The following SCN11A variants were observed in gnomAD, a reference collection of about 807,000 sequenced individuals.
SCN11A encodes the protein sodium voltage-gated channel alpha subunit 11.
A neutral mutation model predicts 162.2 loss-of-function variants in SCN11A; 122 were observed. The observed-to-expected ratio is 0.75, with a 90% CI of 0.65 to 0.87. The LOEUF (loss-of-function observed/expected upper bound fraction) is 0.87. Among genes scored for constraint, SCN11A ranks in the 40% least tolerant of loss-of-function variants. The pLI is 0.00. For missense variants in SCN11A, 2,015 were observed against 2,181.6 expected, an observed-to-expected ratio of 0.92 and a Z score of 1.52; for synonymous variants, 758 against 751.5, an observed-to-expected ratio of 1.01 and a Z score of -0.14.
chr3:38,873,687 C>T (rs2065164045), intron 23 of SCN11A, among the ~76,000 whole-genome samples: 1 of 152,152 alleles, frequency 6.6e-6, no homozygotes, highest in Non-Finnish European at 1.5e-5. Flanking sequence ...TACCTTAAAC[C>T]TTACCCAAGT....
chr3:38,950,069 A>AACC lies in SCN11A; in HGVS notation c.267+26_267+27insGGT. On this transcript the variant is annotated intron_variant, in intron 5 of 29. Transcript: ENST00000302328. ...GCATGGTTAGAACACCCCCACCCCC[A>AACC]CCCCCCCCCCCCGCCCAATGAAGTA... The AACC allele has an allele frequency of 1.5e-4, 10 of 65,030 alleles. 1 individual carries two copies. Among genetic ancestry groups the AACC allele is most frequent in the South Asian group, 7.4e-4 (3 of 4,032 alleles). 4.0% of individuals were successfully genotyped at this position (65,030 alleles called of 1,614,324 possible).
intron 2 of SCN11A, among the ~76,000 whole-genome samples, chr3:39,022,717 A>G (rs1273423865): frequency 6.6e-6 from 1 of 152,046 alleles, no homozygotes; most frequent in Non-Finnish European, 1.5e-5. Flanking sequence ...CCTTGTCCCT[A>G]CAAGAAAAAT....
intron 19 of SCN11A, among the ~76,000 whole-genome samples, chr3:38,890,748 T>G (rs998876908): frequency 6.6e-6 from 1 of 152,230 alleles, no homozygotes; most frequent in African/African-American, 2.4e-5. Flanking sequence ...AAGATAGCCT[T>G]GCTGAAACAA....
At chr3:38,937,971 G>C (rs1306258498) in intron 7 of SCN11A, among the ~76,000 whole-genome samples, 1 of 152,020 alleles carries the variant, frequency 6.6e-6, no homozygotes, top group African/African-American at 2.4e-5. Context: ...CAAATACTTG[G>C]AACCAACCCA....
intron 12 of SCN11A, 53 bp from the exon 13 acceptor site, chr3:38,909,247 T>G (rs952121482): frequency 2.3e-5 from 36 of 1,578,712 alleles, no homozygotes; most frequent in Non-Finnish European, 3.0e-5. Context: ...CACAGGAAAG[T>G]GACCATCACC....
intron 7 of SCN11A, among the ~76,000 whole-genome samples, chr3:38,938,251 G>A (rs1165743584): frequency 6.6e-6 from 1 of 151,606 alleles, no homozygotes; most frequent in Non-Finnish European, 1.5e-5. Context: ...GAGTGGGGAG[G>A]GATAGCTTTA....
At chr3:38,985,371 C>T (rs1001547374) in intron 2 of SCN11A, among the ~76,000 whole-genome samples, 1 of 150,576 alleles carries the variant, frequency 6.6e-6, no homozygotes, top group Admixed American at 6.6e-5. Context: ...ACCTCGTGAT[C>T]CACCCATCTC....
intron 2 of SCN11A, among the ~76,000 whole-genome samples, chr3:39,013,672 T>C (rs996944786): frequency 6.6e-6 from 1 of 152,230 alleles, no homozygotes; most frequent in Non-Finnish European, 1.5e-5. Context: ...ACCTTATGCT[T>C]CTACCTAACA....
intron 2 of SCN11A, among the ~76,000 whole-genome samples, chr3:39,012,452 CTCTT>C (rs139421967): frequency 0.063 from 9,343 of 148,326 alleles, 1,142 homozygotes; most frequent in African/African-American, 0.22. Flanking sequence ...CTCTCTTTCT[CTCTT>C]TCTTTCTTTC....
rs533890560 is a variant in SCN11A, at chr3:38,878,684, A to G, written c.3393+1266T>C. ...ACCTTTCTAAAATGCCTGAACCACA[A>G]TGAGCTTCTGTTTCCTTGTCTCTGA... On this transcript the variant is annotated intron_variant, in intron 23 of 29. Transcript: ENST00000302328. 2.0e-5 allele frequency among the ~76,000 whole-genome samples: 3 copies of G among 152,236 alleles called. No homozygotes were observed. The East Asian group carries it at 5.8e-4, about 29-fold the overall frequency.
At chr3:38,947,850 A>G (rs1240890273) in intron 5 of SCN11A, among the ~76,000 whole-genome samples, 2 of 152,254 alleles carry the variant, frequency 1.3e-5, no homozygotes, top group African/African-American at 4.8e-5. Flanking sequence ...TCAGAAAGTA[A>G]GAGTCATTCC....
intron 11 of SCN11A, 49 bp from the exon 12 acceptor site, chr3:38,910,256 G>C: frequency 6.4e-7 from 1 of 1,570,454 alleles, no homozygotes; most frequent in Non-Finnish European, 8.7e-7. Context: ...CCACAGCCAA[G>C]CTTCTTTTTC....
intron 18 of SCN11A, 45 bp downstream of exon 18, chr3:38,896,800 T>A: frequency 1.4e-6 from 2 of 1,400,786 alleles, no homozygotes; most frequent in Non-Finnish European, 1.9e-6. Context: ...TTGAGAGGCA[T>A]GTAGGATCTT....
chr3:38,867,786 G>A (rs1356376405), intron 26 of SCN11A, among the ~76,000 whole-genome samples: 1 of 152,070 alleles, frequency 6.6e-6, no homozygotes, highest in Non-Finnish European at 1.5e-5. Context: ...TGTCCATATG[G>A]GTATGTAACT....
At chr3:38,913,306 C>T (rs1293916150) in intron 11 of SCN11A, among the ~76,000 whole-genome samples, 2 of 152,028 alleles carry the variant, frequency 1.3e-5, no homozygotes, top group Admixed American at 1.3e-4. Flanking sequence ...CTATTCATGT[C>T]CTTTGCCCAC....
At chr3:39,037,002 T>C (rs913109851) in intron 1 of SCN11A, among the ~76,000 whole-genome samples, 1 of 152,222 alleles carries the variant, frequency 6.6e-6, no homozygotes, top group African/African-American at 2.4e-5. Context: ...GAAATCAGTA[T>C]ATTGAAGAGA....
At chr3:38,897,926 C>T (rs773254235) in intron 17 of SCN11A, among the ~76,000 whole-genome samples, 17 of 151,746 alleles carry the variant, frequency 1.1e-4, no homozygotes, top group Admixed American at 3.9e-4. Flanking sequence ...GAATACTTTT[C>T]CACATTTAAA....
chr3:38,915,655 G>A (rs1204383684), intron 11 of SCN11A, among the ~76,000 whole-genome samples: 1 of 152,042 alleles, frequency 6.6e-6, no homozygotes, highest in African/African-American at 2.4e-5. Context: ...ATTGTGCTGT[G>A]GTCCGAGAGT....
Position 38,950,081 on chromosome 3 carries a change from C to CCCCCCCCCCA in SCN11A, c.267+14_267+15insTGGGGGGGGG. On this transcript the variant is annotated intron_variant, in intron 5 of 29. Transcript: ENST00000302328. The stretch of plus-strand genomic sequence containing the variant: ...CACCCCCACCCCCACCCCCCCCCCC[C>CCCCCCCCCCA]GCCCAATGAAGTACCTTATGATTTC... The CCCCCCCCCCA allele has an allele frequency of 9.3e-6, 2 of 214,666 alleles. 1 individual carries two copies. Among genetic ancestry groups the CCCCCCCCCCA allele is most frequent in the Non-Finnish European group, 2.0e-5 (2 of 99,690 alleles). 13.3% of individuals were successfully genotyped at this position (214,666 alleles called of 1,614,324 possible).
Sources: gnomAD v4.1 joint callset for allele counts (sites outside exome capture counted in the v4.1 genomes callset) on GRCh38, gnomAD v4.1.1 for gene constraint, MANE v1.5 for transcripts, NCBI Gene and HGNC (gene_info 2026-07-23, HGNC 2026-07-21) for gene names.